The following SETDB1 variants were observed in gnomAD, a reference collection of about 807,000 sequenced individuals.
SETDB1 encodes SET domain bifurcated histone lysine methyltransferase 1.
SETDB1 carries 31 observed loss-of-function variants against 137.4 expected under a neutral mutation model. The observed-to-expected ratio is 0.23, with a 90% confidence interval of 0.17 to 0.30. The LOEUF is 0.30. Among genes scored for constraint, SETDB1 ranks in the 10% least tolerant of loss-of-function variants. SETDB1 has a pLI of 1.00. For missense variants in SETDB1, 1,113 were observed against 1,631.5 expected (o/e 0.68, Z 5.47); for synonymous variants, 548 against 579.9 (o/e 0.95, Z 0.79).
intron 3 of SETDB1, chr1:150,930,488 T>C (rs1183183600): frequency 1.3e-5 from 2 of 153,790 alleles, no homozygotes; most frequent in African/African-American, 2.4e-5. Flanking sequence ...CACATAGTTC[T>C]AGAAGCTTTT....
At chr1:150,958,863 T>C (rs1670735464) in intron 14 of SETDB1, among the ~76,000 whole-genome samples, 1 of 152,176 alleles carries the variant, frequency 6.6e-6, no homozygotes, top group Non-Finnish European at 1.5e-5. Context: ...CTGTAATCTG[T>C]ATTCCCATTA....
intron 8 of SETDB1, among the ~76,000 whole-genome samples, chr1:150,944,292 T>C (rs1390562940): frequency 1.3e-5 from 2 of 152,212 alleles, no homozygotes; most frequent in Non-Finnish European, 2.9e-5. Flanking sequence ...GTGAGTTACG[T>C]TGGAAAAGGT....
chr1:150,951,855 A>C (rs1268937515), intron 14 of SETDB1, among the ~76,000 whole-genome samples: 1 of 152,148 alleles, frequency 6.6e-6, no homozygotes, highest in East Asian at 1.9e-4. Context: ...AGAATGAAAA[A>C]AGTTAGAATC....
chr1:150,949,277 G>A lies in SETDB1; in HGVS notation c.1423G>A (p.Glu475Lys). 6.2e-7 allele frequency: 1 copy of A among 1,613,678 alleles called. No homozygotes were observed. The highest frequency in any genetic ancestry group is 8.5e-7 in the Non-Finnish European group (1 of 1,179,792). ...PPLSPQAGDS[E>K]SLESQLAQSR... is the part of the protein sequence containing the mutation. ...TCTATCCCCCCAAGCAGGTGACAGT[G>A]AGTGAGTGTTATTCTTTCTTTTTCT... Residue 475 changes from glutamate to lysine, a missense_variant and splice_region_variant, in exon 11 of 22, where the codon GAA (glutamate) becomes AAA (lysine). Coordinates refer to ENST00000692827, the MANE Select transcript of SETDB1 (RefSeq NM_001366418.1).
intron 3 of SETDB1, among the ~76,000 whole-genome samples, chr1:150,937,186 TAAAAAAAAAAAG>T (rs1169077342): frequency 3.9e-4 from 51 of 131,170 alleles, no homozygotes; most frequent in East Asian, 6.5e-4. Context: ...ACACAGCCAC[TAAAAAAAAAAAG>T]AAAAAAAAAA....
intron 14 of SETDB1, among the ~76,000 whole-genome samples, chr1:150,953,323 A>C (rs1483400059): frequency 6.6e-6 from 1 of 152,070 alleles, no homozygotes; most frequent in Non-Finnish European, 1.5e-5. Flanking sequence ...TCAGGAGTTC[A>C]AGACCAGCCT....
chr1:150,951,415 C>A lies in SETDB1; in HGVS notation c.2267C>A (p.Pro756Gln), dbSNP rs1460887200. ...ACTATCCAGGCTACAGCCTGTACCCCAGGAGGCCAAATCAACCCTAACTCT... is the reference window on the plus strand; with the variant it reads ...ACTATCCAGGCTACAGCCTGTACCCAAGGAGGCCAAATCAACCCTAACTCT... The part of the protein sequence containing the change: ...QLTIQATACT[P>Q]GGQINPNSGY... Residue 756 changes from proline to glutamine, a missense_variant, in exon 14 of 22, where the codon CCA becomes CAA. Physicochemically the swap from Pro to Gln is moderately conservative, Grantham distance 76 (BLOSUM62 -1). Around this residue, in one of 11 missense-constraint regions of SETDB1, gnomAD observed 81 missense variants for 123.4 expected, o/e 0.66. Coordinates refer to ENST00000692827, the MANE Select transcript of SETDB1 (RefSeq NM_001366418.1). 1 of 1,613,838 alleles carries A rather than the reference C, an allele frequency of 6.2e-7. No individual in the cohort carries two copies. The highest frequency in any genetic ancestry group is 1.3e-5 in the African/African-American group (1 of 74,926).
chr1:150,953,484 C>G (rs1211012214), intron 14 of SETDB1, among the ~76,000 whole-genome samples: 1 of 151,676 alleles, frequency 6.6e-6, no homozygotes, highest in African/African-American at 2.4e-5. Flanking sequence ...CAAGACCGCA[C>G]CATTGCACTC....
At chr1:150,945,149 G>T (rs202101067) in intron 9 of SETDB1, 41 bp downstream of exon 9, 16 of 1,612,116 alleles carry the variant, frequency 9.9e-6, no homozygotes, top group Middle Eastern at 1.7e-4. Context: ...GAGGTTGGTG[G>T]GGGGGGAACT....
At chr1:150,961,800 A>G in intron 16 of SETDB1, 1 of 323,132 alleles carries the variant, frequency 3.1e-6, no homozygotes, top group Non-Finnish European at 5.8e-6. Context: ...TCCTTCTACT[A>G]AAGTAGAGAA....
intron 4 of SETDB1, 96 bp downstream of exon 4, chr1:150,940,070 T>G (rs779589476): frequency 2.7e-5 from 22 of 823,416 alleles, no homozygotes; most frequent in Non-Finnish European, 4.5e-5. Context: ...TGTCAGTATC[T>G]AATCATTCAC....
intron 12 of SETDB1, 71 bp from the exon 13 acceptor site, chr1:150,950,387 T>C (rs1465746511): frequency 1.5e-6 from 2 of 1,318,456 alleles, no homozygotes; most frequent in Non-Finnish European, 2.1e-6. Context: ...ATGGCTTAGC[T>C]ACCTGGAGGG....
At chr1:150,946,682 G>A (rs1315104026) in intron 9 of SETDB1, among the ~76,000 whole-genome samples, 37 of 151,936 alleles carry the variant, frequency 2.4e-4, no homozygotes, top group Admixed American at 2.0e-3. Context: ...TCCCAACCTC[G>A]GGTGATCCAC....
At position 150,964,502 on chromosome 1, in the gene SETDB1, A is replaced by C. The variant is rs1472988747; in HGVS notation, c.*138A>C. 1.4e-6 allele frequency: 1 copy of C among 724,858 alleles called. No individual in the cohort carries two copies. Among genetic ancestry groups the C allele is most frequent in the South Asian group, 1.5e-5 (1 of 67,850 alleles). 44.9% of individuals were successfully genotyped at this position (724,858 alleles called of 1,614,324 possible). A position where few individuals can be genotyped will look rare whatever the true frequency, so the allele number is the denominator to read the frequency against. ...TAGTTGATAGAAATGGGGGTTCTGG[A>C]CCAGATGATCCCTTCCAATGTGGTG... On this transcript the variant is annotated 3_prime_UTR_variant, in exon 22 of 22. Coordinates refer to ENST00000692827, the MANE Select transcript of SETDB1 (RefSeq NM_001366418.1).
intron 1 of SETDB1, 91 bp downstream of exon 1, chr1:150,926,608 A>T: frequency 2.4e-6 from 1 of 416,252 alleles, no homozygotes; most frequent in Non-Finnish European, 4.7e-6. Context: ...GTGGGAAGGA[A>T]GTCTTCCCCA....
chr1:150,959,462 A>C (rs587621707), intron 15 of SETDB1, 115 bp downstream of exon 15: 8 of 838,400 alleles, frequency 9.5e-6, no homozygotes, highest in East Asian at 5.2e-5. Flanking sequence ...GAGTAAGAGG[A>C]GGCCAGGGAC....
intron 3 of SETDB1, among the ~76,000 whole-genome samples, chr1:150,931,726 C>CAAAAAAAAAA (rs10691133): frequency 5.5e-5 from 4 of 72,354 alleles, no homozygotes; most frequent in Admixed American, 1.6e-4. Context: ...CTGTCTCACC[C>CAAAAAAAAAA]AAAAAAAAAA....
rs1247494918 is a variant in SETDB1, at chr1:150,926,385, T to G, written c.-144T>G. ...GGCGTTTCTTTTGCTTCCCCTTCCCTCTTTCACGCTTCCTCCCCTCCCCCT... is the reference window on the plus strand; with the variant it reads ...GGCGTTTCTTTTGCTTCCCCTTCCCGCTTTCACGCTTCCTCCCCTCCCCCT... On this transcript the variant is annotated 5_prime_UTR_variant, in exon 1 of 22. Transcript: ENST00000692827. 4.6e-6 allele frequency: 1 copy of G among 217,366 alleles called. No individual in the cohort carries two copies. The highest frequency in any genetic ancestry group is 2.4e-5 in the African/African-American group (1 of 41,950). The allele number at this position is 217,366 out of a possible 1,614,324, so 13.5% of individuals were successfully genotyped here. A position where few individuals can be genotyped will look rare whatever the true frequency, so the allele number is the denominator to read the frequency against.
chr1:150,947,344 G>A (rs900472315), intron 10 of SETDB1, among the ~76,000 whole-genome samples: 4 of 151,256 alleles, frequency 2.6e-5, no homozygotes, highest in Non-Finnish European at 5.9e-5. Flanking sequence ...TTTTTAAATA[G>A]ACCCGGGGCT....
Sources: allele counts gnomAD v4.1 joint callset (sites outside exome capture counted in the v4.1 genomes callset), GRCh38; gene constraint gnomAD v4.1.1; regional missense constraint gnomAD v4.1.1; transcripts MANE v1.5; gene names NCBI Gene and HGNC (gene_info 2026-07-23, HGNC 2026-07-21).